The following NAV1 variants were observed in gnomAD, a reference collection of about 807,000 sequenced individuals.
NAV1 encodes pore membrane and/or filament interacting like protein 3.
In NAV1, 18 loss-of-function variants were observed where a neutral mutation model predicts 175.2. The observed-to-expected ratio is 0.10, with a 90% confidence interval of 0.07 to 0.15. The LOEUF is 0.15. Ranked by LOEUF, NAV1 falls within the 10% of genes least tolerant of loss-of-function variation. The pLI is 1.00. For synonymous variants in NAV1, 897 were observed against 978.7 expected (o/e 0.92, Z 1.56); for missense variants, 1,731 against 2,436.6 (o/e 0.71, Z 6.10).
intron 1 of NAV1, among the ~76,000 whole-genome samples, chr1:201,676,274 G>A (rs1388352585): frequency 2.0e-5 from 3 of 152,216 alleles, no homozygotes; most frequent in Non-Finnish European, 2.9e-5. Flanking sequence ...TTAAGAGGAA[G>A]CTTTAGCCTG....
chr1:201,727,845 A>G lies in NAV1; in HGVS notation c.1226+9090A>G, dbSNP rs149560204. ...CATGGGTATTTATATGTCAGCTCCC[A>G]TTCATTATTGGCTGAGGGCAGCTCC... On this transcript the variant is annotated intron_variant, in intron 3 of 29. Transcript: ENST00000367296. Among the ~76,000 whole-genome samples, 228 of 152,310 alleles carry G rather than the reference A, an allele frequency of 1.5e-3. 1 individual carries two copies. The highest frequency in any genetic ancestry group is 4.9e-3 in the African/African-American group (205 of 41,566).
At chr1:201,791,391 G>A (rs1039033235) in intron 13 of NAV1, 1 of 152,498 alleles carries the variant, frequency 6.6e-6, no homozygotes, top group Non-Finnish European at 1.5e-5. Context: ...CATTTAGAAC[G>A]AGTCTATTTC....
chr1:201,665,675 C>A (rs1011683752), intron 1 of NAV1, among the ~76,000 whole-genome samples: 4 of 146,208 alleles, frequency 2.7e-5, no homozygotes, highest in Non-Finnish European at 4.4e-5. Flanking sequence ...AGGGTAAGAC[C>A]AGGGTGCTTC....
At chr1:201,686,582 T>C (rs934151340) in intron 1 of NAV1, among the ~76,000 whole-genome samples, 1 of 152,240 alleles carries the variant, frequency 6.6e-6, no homozygotes, top group Admixed American at 6.5e-5. Context: ...CACATTTCTT[T>C]ATGCTGAACT....
chr1:201,782,575 G>A lies in NAV1; in HGVS notation c.2063G>A (p.Arg688Gln), dbSNP rs775388093. Residue 688 changes from arginine to glutamine, a missense_variant, in exon 6 of 30, where the codon CGG becomes CAG. Arg to Gln is a conservative substitution (Grantham distance 43). Coordinates refer to ENST00000367296, the Ensembl canonical transcript of NAV1. The surrounding 1 kb of genome is among the most constrained non-coding windows in gnomAD (Gnocchi z 5.4). ...AGTTCTATGAGCGTGACCGGCGGGC[G>A]GGGTGGACCTCGCCCTGTGAGCAGC... 11 of 1,611,782 alleles carry A rather than the reference G, an allele frequency of 6.8e-6. No homozygotes were observed. Among genetic ancestry groups the A allele is most frequent in the African/African-American group, 4.0e-5 (3 of 74,836 alleles).
intron 14 of NAV1, chr1:201,794,144 A>G: frequency 1.5e-6 from 1 of 669,080 alleles, no homozygotes; most frequent in Non-Finnish European, 2.7e-6. Context: ...GCTAATCCCA[A>G]CTAATGACGC....
At chr1:201,601,228 T>A (rs1667501112) in intron 2 of NAV1, among the ~76,000 whole-genome samples, 1 of 152,216 alleles carries the variant, frequency 6.6e-6, no homozygotes. Context: ...ATGCCTGTAA[T>A]CCCAGCACTT....
intron 1 of NAV1, among the ~76,000 whole-genome samples, chr1:201,557,970 C>CA (rs1168360225): frequency 6.6e-6 from 1 of 151,926 alleles, no homozygotes; most frequent in African/African-American, 2.4e-5. Context: ...GCCTGGACTC[C>CA]AAAAAACAAA....
rs188599157 is a variant in NAV1 at position 201,734,650 on chromosome 1, G to T, written c.1226+15895G>T. Reference sequence around the variant, plus strand: ...GTGCAGTGGCATGGGTGCTTAAGCTGATCTGAAATGATTGCTCCTGGCCTC... The same window carrying T: ...GTGCAGTGGCATGGGTGCTTAAGCTTATCTGAAATGATTGCTCCTGGCCTC... On this transcript the variant is annotated intron_variant, in intron 3 of 29. Coordinates refer to ENST00000367296, the Ensembl canonical transcript of NAV1. Among the ~76,000 whole-genome samples the T allele has an allele frequency of 1.1e-4, 17 of 152,194 alleles. No homozygotes were observed. The East Asian group carries it at 2.9e-3, about 26-fold the overall frequency.
intron 1 of NAV1, among the ~76,000 whole-genome samples, chr1:201,581,217 C>A (rs557331709): frequency 6.6e-6 from 1 of 152,096 alleles, no homozygotes; most frequent in East Asian, 1.9e-4. Context: ...TGTTACGGTT[C>A]GAGTGAGGGT....
chr1:201,676,665 CAA>C (rs1253638578), intron 1 of NAV1, among the ~76,000 whole-genome samples: 1 of 152,244 alleles, frequency 6.6e-6, no homozygotes, highest in African/African-American at 2.4e-5. Context: ...AAGGTGAACA[CAA>C]TCTTTCAGAA....
chr1:201,575,381 G>C (rs1218431592), intron 1 of NAV1, among the ~76,000 whole-genome samples: 1 of 152,154 alleles, frequency 6.6e-6, no homozygotes, highest in Non-Finnish European at 1.5e-5. Context: ...ATAGGATCTA[G>C]TCCTGTGCAT....
At chr1:201,601,146 A>G (rs1667499610) in intron 2 of NAV1, among the ~76,000 whole-genome samples, 2 of 152,316 alleles carry the variant, frequency 1.3e-5, no homozygotes, top group Admixed American at 6.5e-5. Context: ...TCTAACATGG[A>G]TAGCTGCTGT....
intron 1 of NAV1, among the ~76,000 whole-genome samples, chr1:201,564,609 T>G (rs1666300221): frequency 1.3e-5 from 2 of 152,150 alleles, no homozygotes; most frequent in Admixed American, 1.3e-4. Flanking sequence ...GGCAACAGAG[T>G]GAGACTCTGT....
At chr1:201,652,049 ATGG>A (rs1177141401) in intron 1 of NAV1, among the ~76,000 whole-genome samples, 1 of 152,016 alleles carries the variant, frequency 6.6e-6, no homozygotes, top group African/African-American at 2.4e-5. Flanking sequence ...AGAGCCAATG[ATGG>A]TGGTGTTCAG....
intron 29 of NAV1, among the ~76,000 whole-genome samples, chr1:201,818,567 G>C (rs1679206948): frequency 6.7e-6 from 1 of 150,362 alleles, no homozygotes; most frequent in African/African-American, 2.4e-5. Flanking sequence ...CATTTGGCTA[G>C]AGCAAATGCA....
intron 3 of NAV1, among the ~76,000 whole-genome samples, chr1:201,768,401 T>C (rs1229324314): frequency 6.9e-6 from 1 of 145,122 alleles, no homozygotes; most frequent in Non-Finnish European, 1.5e-5. Flanking sequence ...ATTTTGGGAG[T>C]CCAAGGCAGG....
At chr1:201,630,186 C>T (rs1045709692) in intron 2 of NAV1, among the ~76,000 whole-genome samples, 21 of 152,178 alleles carry the variant, frequency 1.4e-4, no homozygotes, top group Non-Finnish European at 2.9e-4. Context: ...CTCAGCAGCA[C>T]TTACGGACGT....
chr1:201,633,743 C>G (rs1472767113), intron 2 of NAV1, among the ~76,000 whole-genome samples: 1 of 152,188 alleles, frequency 6.6e-6, no homozygotes, highest in African/African-American at 2.4e-5. Context: ...GCCTTATGTC[C>G]CAGTCATCTG....
Sources: allele counts gnomAD v4.1 joint callset (sites outside exome capture counted in the v4.1 genomes callset), GRCh38; gene constraint gnomAD v4.1.1; non-coding constraint Gnocchi (gnomAD v3.1); transcripts MANE v1.5; gene names NCBI Gene and HGNC (gene_info 2026-07-23, HGNC 2026-07-21).